The following SORCS1 variants were observed in gnomAD, a reference collection of about 807,000 sequenced individuals.
SORCS1 encodes VPS10 domain-containing receptor SorCS1.
Under a neutral mutation model 146.1 loss-of-function variants are expected in SORCS1, and 60 were observed. The ratio of observed to expected loss-of-function variants is 0.41; its 90% CI spans 0.33 to 0.51. The LOEUF (loss-of-function observed/expected upper bound fraction) is 0.51, where lower values mean the gene tolerates loss of function less well. Ranked by LOEUF, SORCS1 falls within the 20% of genes least tolerant of loss-of-function variation. The pLI is 0.21. For synonymous variants in SORCS1, 637 were observed against 584.0 expected, an observed-to-expected ratio of 1.09 and a Z score of -1.31; for missense variants, 1,352 against 1,487.6, an observed-to-expected ratio of 0.91 and a Z score of 1.50.
At chr10:106,970,479 C>A (rs760632751) in intron 1 of SORCS1, among the ~76,000 whole-genome samples, 1 of 151,752 alleles carries the variant, frequency 6.6e-6, no homozygotes, top group Non-Finnish European at 1.5e-5. Context: ...GCTGGGATTA[C>A]AGATACGCAC....
chr10:106,674,328 C>CAGAAAAAAAAA (rs1851854216), intron 14 of SORCS1, among the ~76,000 whole-genome samples: 1 of 27,374 alleles, frequency 3.7e-5, no homozygotes, highest in South Asian at 2.7e-3. Flanking sequence ...GACTCCGTCT[C>CAGAAAAAAAAA]AAAAAAAAAA....
At chr10:106,601,044 G>A (rs558559585) in intron 23 of SORCS1, among the ~76,000 whole-genome samples, 2 of 152,284 alleles carry the variant, frequency 1.3e-5, no homozygotes, top group East Asian at 1.9e-4. Flanking sequence ...CCTCAGAGGG[G>A]CCACTTTCTG....
the SORCS1 span, among the ~76,000 whole-genome samples, chr10:107,178,559 T>C: frequency 2.6e-5 from 4 of 151,754 alleles, no homozygotes; most frequent in Non-Finnish European, 5.9e-5. Flanking sequence ...CACCCAGTGG[T>C]ACGATTTAGG....
chr10:107,017,429 A>G (rs1487709388), intron 1 of SORCS1, among the ~76,000 whole-genome samples: 1 of 152,230 alleles, frequency 6.6e-6, no homozygotes, highest in East Asian at 1.9e-4. Flanking sequence ...GTATAATTCT[A>G]TTTACAAATG....
intron 24 of SORCS1, among the ~76,000 whole-genome samples, chr10:106,581,656 A>G (rs1844923225): frequency 6.6e-6 from 1 of 152,114 alleles, no homozygotes; most frequent in Non-Finnish European, 1.5e-5. Context: ...AGCTTCAACA[A>G]CCATCAACCA....
At position 106,730,766 on chromosome 10, in the gene SORCS1, A is replaced by G. The variant is rs188264800; in HGVS notation, c.960-652T>C. On this transcript the variant is annotated intron_variant, in intron 5 of 25. Coordinates refer to ENST00000263054, the MANE Select transcript of SORCS1 (RefSeq NM_052918.5). ...AATCCTGCAGTAAGCTATATTAAAT[A>G]GAAAATAATTATTATTCTGGAACAT... Among the ~76,000 whole-genome samples, 358 of 151,902 alleles carry G rather than the reference A, an allele frequency of 2.4e-3. 1 individual carries two copies. The highest frequency in any genetic ancestry group is 0.012 in the South Asian group (57 of 4,822).
intron 5 of SORCS1, among the ~76,000 whole-genome samples, chr10:106,735,735 A>G (rs1462588424): frequency 6.6e-6 from 1 of 152,240 alleles, no homozygotes; most frequent in Non-Finnish European, 1.5e-5. Context: ...CCAATCAAAA[A>G]GCACCTTTTG....
At chr10:106,880,619 G>A (rs1444095891) in intron 2 of SORCS1, among the ~76,000 whole-genome samples, 2 of 152,130 alleles carry the variant, frequency 1.3e-5, no homozygotes, top group Non-Finnish European at 2.9e-5. Flanking sequence ...TCTACTTTGA[G>A]AAAAGGTTTA....
chr10:106,729,937 A>T, intron 6 of SORCS1, 113 bp downstream of exon 6: 1 of 1,288,442 alleles, frequency 7.8e-7, no homozygotes, highest in Non-Finnish European at 1.1e-6. Flanking sequence ...CTCAGAAACC[A>T]CACATCCACT....
chr10:106,606,501 G>A lies in SORCS1; in HGVS notation c.3165+665C>T, dbSNP rs181357781. On this transcript the variant is annotated intron_variant, in intron 23 of 25. Coordinates refer to ENST00000263054, the MANE Select transcript of SORCS1 (RefSeq NM_052918.5). ...GCATGTCATGTCATTTGCTTCTCAC[G>A]GCATTCTTGTGACAAGTATGATATT... 1.5e-3 allele frequency among the ~76,000 whole-genome samples: 221 copies of A among 152,206 alleles called. 3 individuals are homozygous for A. The highest frequency in any genetic ancestry group is 5.5e-4 in the African/African-American group (23 of 41,522).
intron 2 of SORCS1, among the ~76,000 whole-genome samples, chr10:106,918,840 T>C (rs1178852957): frequency 1.3e-5 from 2 of 150,688 alleles, no homozygotes; most frequent in South Asian, 4.1e-4. Context: ...TATAGTGTAT[T>C]ATATTTTTTT....
chr10:106,645,175 T>A (rs1267181756), intron 18 of SORCS1, among the ~76,000 whole-genome samples: 34 of 150,522 alleles, frequency 2.3e-4, no homozygotes, highest in East Asian at 3.9e-4. Flanking sequence ...TTATTATTTT[T>A]TTTTTTTTTT....
chr10:106,764,789 C>T (rs187571590), intron 4 of SORCS1, among the ~76,000 whole-genome samples: 4 of 152,068 alleles, frequency 2.6e-5, no homozygotes, highest in African/African-American at 7.2e-5. Flanking sequence ...TTTGGGAGGG[C>T]GAGGCGGGCG....
chr10:106,629,112 G>T, intron 19 of SORCS1, 90 bp downstream of exon 19: 1 of 1,149,722 alleles, frequency 8.7e-7, no homozygotes, highest in Non-Finnish European at 1.2e-6. Flanking sequence ...GATAACTAGT[G>T]TACTTCTTCT....
chr10:107,030,831 A>G (rs535960576), intron 1 of SORCS1, among the ~76,000 whole-genome samples: 58 of 152,350 alleles, frequency 3.8e-4, no homozygotes, highest in African/African-American at 1.3e-3. Context: ...TGATTGGATG[A>G]CAACTAAGAA....
At chr10:106,593,824 G>A (rs530545826) in intron 24 of SORCS1, among the ~76,000 whole-genome samples, 2 of 152,228 alleles carry the variant, frequency 1.3e-5, no homozygotes, top group East Asian at 3.9e-4. Flanking sequence ...TACCTATACT[G>A]CAAGGGGTTC....
At chr10:106,898,566 T>C (rs764788111) in intron 2 of SORCS1, among the ~76,000 whole-genome samples, 1 of 152,116 alleles carries the variant, frequency 6.6e-6, no homozygotes, top group Non-Finnish European at 1.5e-5. Context: ...GATCAAAAGA[T>C]AATTTTTGCG....
chr10:107,084,516 T>C (rs1174825151), intron 1 of SORCS1, among the ~76,000 whole-genome samples: 1 of 152,086 alleles, frequency 6.6e-6, no homozygotes, highest in Non-Finnish European at 1.5e-5. Context: ...TATGTATATG[T>C]ATGGGAAGAG....
chr10:107,081,668 T>C (rs1314991264), intron 1 of SORCS1, among the ~76,000 whole-genome samples: 2 of 151,910 alleles, frequency 1.3e-5, no homozygotes, highest in African/African-American at 2.4e-5. Context: ...ACAGTAAATA[T>C]ACAAAGACAC....
Sources: allele counts gnomAD v4.1 joint callset (sites outside exome capture counted in the v4.1 genomes callset), GRCh38; gene constraint gnomAD v4.1.1; transcripts MANE v1.5; gene names NCBI Gene and HGNC (gene_info 2026-07-23, HGNC 2026-07-21).